The following PCDHA13 variants were observed in gnomAD, a reference collection of about 807,000 sequenced individuals.
PCDHA13 encodes protocadherin alpha-13.
A neutral mutation model predicts 64.8 loss-of-function variants in PCDHA13; 54 were observed. The ratio of observed to expected loss-of-function variants is 0.83; its 90% CI spans 0.67 to 1.04. PCDHA13 has a LOEUF of 1.04. Ranked by LOEUF, PCDHA13 falls within the 50% of genes least tolerant of loss-of-function variation. The pLI is 0.00. For synonymous variants in PCDHA13, 587 were observed against 564.4 expected, an observed-to-expected ratio of 1.04 and a Z score of -0.57; for missense variants, 1,248 against 1,254.3, an observed-to-expected ratio of 0.99 and a Z score of 0.08.
At chr5:140,997,688 G>C (rs1232415745) in intron 3 of PCDHA13, among the ~76,000 whole-genome samples, 1 of 151,990 alleles carries the variant, frequency 6.6e-6, no homozygotes, top group Non-Finnish European at 1.5e-5. Context: ...GTGTGTGTGT[G>C]TGTGTGTGTA....
At position 140,883,027 on chromosome 5, in the gene PCDHA13, G is replaced by A; in HGVS notation, c.759G>A (p.Glu253=). The A allele has an allele frequency of 6.2e-7, 1 of 1,614,126 alleles. No individual in the cohort carries two copies. Among genetic ancestry groups the A allele is most frequent in the Non-Finnish European group, 8.5e-7 (1 of 1,180,040 alleles). ...YQSVYKVTVL[E]NAFNGTLVIK... is the part of the protein sequence containing the mutation. ...CCGTTTATAAAGTGACGGTGTTAGAGAACGCCTTCAATGGAACATTAGTGA... is the reference window on the plus strand; with the variant it reads ...CCGTTTATAAAGTGACGGTGTTAGAAAACGCCTTCAATGGAACATTAGTGA... The change falls in exon 1 of 4, where the codon GAG becomes GAA. Residue 253 remains glutamate, a synonymous_variant. Coordinates refer to ENST00000289272, the MANE Select transcript of PCDHA13 (RefSeq NM_018904.3).
chr5:140,883,985 G>A lies in PCDHA13; in HGVS notation c.1717G>A (p.Ala573Thr), dbSNP rs782534317. The A allele has an allele frequency of 1.2e-6, 2 of 1,612,814 alleles. No homozygotes were observed. The highest frequency in any genetic ancestry group is 1.7e-5 in the Admixed American group (1 of 59,960). Residue 573 changes from alanine (A) to threonine (T), a missense_variant, in exon 1 of 4, where the codon GCG becomes ACG. Transcript: ENST00000289272. ...GCTGCTGACGCCCGGGGCTGGCAGCGCGGGAGGCACAGTGAGCGAGCTGAT... is the reference window on the plus strand; with the variant it reads ...GCTGCTGACGCCCGGGGCTGGCAGCACGGGAGGCACAGTGAGCGAGCTGAT... ...PALLTPGAGSAGGTVSELMPR... is the reference protein window; with the variant it reads ...PALLTPGAGSTGGTVSELMPR...
intron 1 of PCDHA13, chr5:140,929,861 G>C (rs2086430114): frequency 6.5e-6 from 1 of 153,628 alleles, no homozygotes; most frequent in Admixed American, 6.5e-5. Context: ...AGTCAGAGAA[G>C]GCTTTGTGAT....
intron 1 of PCDHA13, among the ~76,000 whole-genome samples, chr5:140,962,940 A>G (rs1441801947): frequency 1.3e-5 from 2 of 152,186 alleles, no homozygotes; most frequent in African/African-American, 4.8e-5. Context: ...CCTCCTCTCC[A>G]TAAGATATGC....
intron 1 of PCDHA13, among the ~76,000 whole-genome samples, chr5:140,957,103 A>G (rs1207553042): frequency 6.6e-6 from 1 of 152,168 alleles, no homozygotes; most frequent in Non-Finnish European, 1.5e-5. Flanking sequence ...ATTGCTATGG[A>G]CATGATTCTG....
In PCDHA13 at chr5:140,993,233, G is replaced by A. The variant is rs143093605; in HGVS notation, c.2542+10670G>A. ...TTTAGCTTTTTGGTATGTTCTCTCT[G>A]AATCTGGGGATTTAGATATATAAAT... On this transcript the variant is annotated intron_variant, in intron 3 of 3. Coordinates refer to ENST00000289272, the MANE Select transcript of PCDHA13 (RefSeq NM_018904.3). Among the ~76,000 whole-genome samples the A allele has an allele frequency of 2.0e-5, 3 of 152,224 alleles. No individual in the cohort carries two copies. The East Asian group carries it at 5.8e-4, about 29-fold the overall frequency.
rs1374109552 is a variant in PCDHA13 at position 141,010,068 on chromosome 5, T to C, written c.*131T>C. On this transcript the variant is annotated 3_prime_UTR_variant, in exon 4 of 4. Transcript: ENST00000289272. ...AGAGACCTCAGAAATCTGCAGAAAGTTCCCTGTGTCTGTCTAGAACGCATT... is the reference window on the plus strand; with the variant it reads ...AGAGACCTCAGAAATCTGCAGAAAGCTCCCTGTGTCTGTCTAGAACGCATT... 4 of 1,604,732 alleles carry C rather than the reference T, an allele frequency of 2.5e-6. No homozygotes were observed. Among genetic ancestry groups the C allele is most frequent in the Non-Finnish European group, 3.4e-6 (4 of 1,175,400 alleles).
chr5:140,986,401 C>T (rs782437347), intron 3 of PCDHA13, among the ~76,000 whole-genome samples: 1 of 152,172 alleles, frequency 6.6e-6, no homozygotes. Context: ...GCCAGTCGCT[C>T]ATGTTACAGC....
At chr5:141,006,169 A>G (rs553035949) in intron 3 of PCDHA13, among the ~76,000 whole-genome samples, 4 of 149,840 alleles carry the variant, frequency 2.7e-5, no homozygotes, top group Non-Finnish European at 5.9e-5. Flanking sequence ...TCTGATTTAT[A>G]TTTTTAAAAG....
At chr5:140,896,827 T>G (rs1193967071) in intron 1 of PCDHA13, among the ~76,000 whole-genome samples, 1 of 152,214 alleles carries the variant, frequency 6.6e-6, no homozygotes, top group African/African-American at 2.4e-5. Flanking sequence ...TGTTCATAGT[T>G]GTTTTTATTT....
chr5:140,984,658 A>G (rs1421972508), intron 3 of PCDHA13, among the ~76,000 whole-genome samples: 1 of 152,146 alleles, frequency 6.6e-6, no homozygotes, highest in Non-Finnish European at 1.5e-5. Flanking sequence ...TCCTTCTGGT[A>G]CTTTTAGGTT....
At chr5:140,915,266 C>T (rs1554196835) in intron 1 of PCDHA13, among the ~76,000 whole-genome samples, 1 of 151,940 alleles carries the variant, frequency 6.6e-6, no homozygotes, top group Non-Finnish European at 1.5e-5. Context: ...TTATTTTTGA[C>T]CAGTTCATCA....
chr5:141,005,697 G>A (rs1197870932), intron 3 of PCDHA13, among the ~76,000 whole-genome samples: 75 of 78,728 alleles, frequency 9.5e-4, no homozygotes, highest in Admixed American at 6.2e-4. Context: ...GCGAAACTCC[G>A]TCTCAAAAAA....
chr5:140,897,613 A>C (rs1252972033), intron 1 of PCDHA13, among the ~76,000 whole-genome samples: 2 of 152,052 alleles, frequency 1.3e-5, no homozygotes, highest in Non-Finnish European at 2.9e-5. Flanking sequence ...GTTGGTTCCA[A>C]GTCTTTACTA....
chr5:140,923,280 A>C (rs2081292990), intron 1 of PCDHA13, among the ~76,000 whole-genome samples: 1 of 152,220 alleles, frequency 6.6e-6, no homozygotes, highest in South Asian at 2.1e-4. Context: ...CTCTACAAAA[A>C]ATTAAAAATT....
At chr5:140,990,227 A>G (rs1424384055) in intron 3 of PCDHA13, among the ~76,000 whole-genome samples, 1 of 152,134 alleles carries the variant, frequency 6.6e-6, no homozygotes, top group Non-Finnish European at 1.5e-5. Flanking sequence ...GTTTATTGTA[A>G]CTAGCGTTGT....
At chr5:140,979,779 G>C (rs778402540) in intron 2 of PCDHA13, among the ~76,000 whole-genome samples, 1 of 152,186 alleles carries the variant, frequency 6.6e-6, no homozygotes, top group Non-Finnish European at 1.5e-5. Flanking sequence ...AAATGGGAAG[G>C]ACCAAGAAAC....
chr5:140,993,238 T>A (rs896841031), intron 3 of PCDHA13, among the ~76,000 whole-genome samples: 1 of 152,182 alleles, frequency 6.6e-6, no homozygotes, highest in African/African-American at 2.4e-5. Context: ...TCTCTGAATC[T>A]GGGGATTTAG....
intron 3 of PCDHA13, among the ~76,000 whole-genome samples, chr5:141,005,681 G>A (rs970656529): frequency 2.7e-5 from 3 of 112,616 alleles, no homozygotes; most frequent in African/African-American, 3.6e-5. Flanking sequence ...CAGCCTGGGC[G>A]ACAGAGCGAA....
Sources: gnomAD v4.1 joint callset for allele counts (sites outside exome capture counted in the v4.1 genomes callset) on GRCh38, gnomAD v4.1.1 for gene constraint, MANE v1.5 for transcripts, NCBI Gene and HGNC (gene_info 2026-07-23, HGNC 2026-07-21) for gene names.